SPAG16: variants seen among roughly 807,000 people sequenced by gnomAD.
The protein encoded by SPAG16 is sperm-associated antigen 16 protein.
SPAG16 carries 86 observed loss-of-function variants against 80.4 expected under a neutral mutation model. That is an observed-to-expected ratio of 1.07 (90% CI 0.90 to 1.28). The LOEUF (loss-of-function observed/expected upper bound fraction) is 1.28, where lower values mean the gene tolerates loss of function less well. Among genes scored for constraint, SPAG16 ranks in the 50% most tolerant of loss-of-function variants. The pLI, the probability that SPAG16 is intolerant of heterozygous loss-of-function variation, is 0.00. For synonymous variants in SPAG16, 294 were observed against 265.9 expected, an observed-to-expected ratio of 1.11 and a Z score of -1.03; for missense variants, 870 against 765.3, an observed-to-expected ratio of 1.14 and a Z score of -1.61.
chr2:213,327,559 A>G lies in SPAG16; in HGVS notation c.536+10203A>G, dbSNP rs374343730. Among the ~76,000 whole-genome samples, 95 of 152,252 alleles carry G rather than the reference A, an allele frequency of 6.2e-4. 1 individual carries two copies. The East Asian group carries it at 0.018, about 29-fold the overall frequency. On this transcript the variant is annotated intron_variant, in intron 5 of 15. Transcript: ENST00000331683. Reference sequence around the variant, plus strand: ...TATGGTTCTGCTTAAGAAATTTTGCAGCGTTATTTCTTAAAGTATTTTTAA... The same window carrying G: ...TATGGTTCTGCTTAAGAAATTTTGCGGCGTTATTTCTTAAAGTATTTTTAA...
intron 12 of SPAG16, 84 bp from the exon 13 acceptor site, chr2:214,013,867 C>A: frequency 1.5e-6 from 2 of 1,353,456 alleles, no homozygotes; most frequent in Non-Finnish European, 2.0e-6. Context: ...TATTTCATGC[C>A]TCAGTTCCTT....
intron 10 of SPAG16, among the ~76,000 whole-genome samples, chr2:213,557,433 CTAAT>C (rs1559252412): frequency 6.6e-6 from 1 of 151,424 alleles, no homozygotes; most frequent in African/African-American, 2.4e-5. Flanking sequence ...ATAATTATAT[CTAAT>C]TATAATTATA....
At chr2:213,628,498 G>T (rs1262023945) in intron 10 of SPAG16, among the ~76,000 whole-genome samples, 1 of 152,154 alleles carries the variant, frequency 6.6e-6, no homozygotes, top group Non-Finnish European at 1.5e-5. Flanking sequence ...CCAAAGAACA[G>T]GTATGTGCCA....
chr2:213,898,121 A>T (rs1034395118), intron 11 of SPAG16, among the ~76,000 whole-genome samples: 1 of 152,180 alleles, frequency 6.6e-6, no homozygotes, highest in African/African-American at 2.4e-5. Context: ...ATTGATGAGA[A>T]TACTGAAAAA....
intron 13 of SPAG16, among the ~76,000 whole-genome samples, chr2:214,043,061 G>A (rs763258944): frequency 6.6e-6 from 1 of 151,890 alleles, no homozygotes; most frequent in Non-Finnish European, 1.5e-5. Context: ...GCAAAGTAGA[G>A]TGAGGACTCT....
At chr2:214,112,572 C>G (rs1576243671) in intron 14 of SPAG16, among the ~76,000 whole-genome samples, 1 of 148,968 alleles carries the variant, frequency 6.7e-6, no homozygotes, top group African/African-American at 2.5e-5. Flanking sequence ...GTAATGGCTT[C>G]TTTGTCTCTT....
At chr2:213,774,944 C>T (rs2069480355) in intron 10 of SPAG16, among the ~76,000 whole-genome samples, 1 of 152,150 alleles carries the variant, frequency 6.6e-6, no homozygotes, top group Admixed American at 6.5e-5. Flanking sequence ...CTACTCAGCT[C>T]CCATTCTTCA....
rs578067025 is a variant in SPAG16, at chr2:213,725,423, C to A, written c.1071-137062C>A. Among the ~76,000 whole-genome samples, 87 of 152,292 alleles carry A rather than the reference C, an allele frequency of 5.7e-4. No homozygotes were observed. The South Asian group carries it at 6.2e-3, about 11-fold the overall frequency. On this transcript the variant is annotated intron_variant, in intron 10 of 15. Coordinates refer to ENST00000331683, the MANE Select transcript of SPAG16 (RefSeq NM_024532.5). ...TAGTGATATAACCATATTCTAAATT[C>A]ATCATCATGGAATGCCCATCCATCC...
intron 12 of SPAG16, among the ~76,000 whole-genome samples, chr2:213,975,651 G>GA (rs1022213539): frequency 1.3e-5 from 2 of 150,808 alleles, no homozygotes; most frequent in African/African-American, 4.9e-5. Context: ...TAATACATTA[G>GA]AAAAAAAATG....
intron 15 of SPAG16, among the ~76,000 whole-genome samples, chr2:214,152,832 G>T (rs2056041878): frequency 6.6e-6 from 1 of 152,214 alleles, no homozygotes; most frequent in African/African-American, 2.4e-5. Context: ...GGCAGAGAGG[G>T]AGAGGAGACA....
At chr2:213,665,390 A>G (rs2063565743) in intron 10 of SPAG16, among the ~76,000 whole-genome samples, 2 of 151,906 alleles carry the variant, frequency 1.3e-5, no homozygotes, top group African/African-American at 2.4e-5. Flanking sequence ...ACACATACAC[A>G]CACAAACACA....
intron 10 of SPAG16, among the ~76,000 whole-genome samples, chr2:213,528,584 T>A (rs1248242224): frequency 2.0e-5 from 3 of 152,150 alleles, no homozygotes; most frequent in African/African-American, 2.4e-5. Context: ...AAGTGACTTG[T>A]TACTTCCCTA....
chr2:214,367,822 A>C (rs76086079), intron 15 of SPAG16, among the ~76,000 whole-genome samples: 1 of 152,100 alleles, frequency 6.6e-6, no homozygotes, highest in Non-Finnish European at 1.5e-5. Flanking sequence ...TTCCTTGAAG[A>C]AAATTCTGTT....
intron 10 of SPAG16, among the ~76,000 whole-genome samples, chr2:213,519,858 C>T (rs969552744): frequency 5.3e-5 from 8 of 152,014 alleles, no homozygotes; most frequent in African/African-American, 1.9e-4. Context: ...AAGTTCTAAT[C>T]CCCTGTACCT....
intron 13 of SPAG16, among the ~76,000 whole-genome samples, chr2:214,063,406 T>G (rs1477328084): frequency 2.0e-5 from 3 of 152,288 alleles, no homozygotes; most frequent in African/African-American, 7.2e-5. Flanking sequence ...TGGTGAAGGC[T>G]TCCCTGTCTG....
chr2:213,722,825 G>GA (rs199886950), intron 10 of SPAG16, among the ~76,000 whole-genome samples: 11 of 150,768 alleles, frequency 7.3e-5, no homozygotes, highest in East Asian at 3.9e-4. Flanking sequence ...GAGCTGTACA[G>GA]AAAAAAAAAT....
At position 213,949,937 on chromosome 2, in the gene SPAG16, G is replaced by A. The variant is rs147444708; in HGVS notation, c.1400+19792G>A. Among the ~76,000 whole-genome samples, 730 of 152,218 alleles carry A rather than the reference G, an allele frequency of 4.8e-3. 7 individuals carry two copies. Among genetic ancestry groups the A allele is most frequent in the African/African-American group, 0.017 (702 of 41,538 alleles). On this transcript the variant is annotated intron_variant, in intron 12 of 15. Coordinates refer to ENST00000331683, the MANE Select transcript of SPAG16 (RefSeq NM_024532.5). ...ACTTCAGTGAGTACAATTCTTACAC[G>A]TGTGAACAAAATGTAGCCTTTGTTC... is the stretch of plus-strand genomic sequence containing the variant.
intron 14 of SPAG16, among the ~76,000 whole-genome samples, chr2:214,136,027 G>A (rs2055034684): frequency 1.3e-5 from 2 of 152,138 alleles, no homozygotes; most frequent in South Asian, 4.1e-4. Context: ...AGAGGAAGGG[G>A]AGCTGACAGG....
chr2:213,733,499 ATTTT>A (rs60768952), intron 10 of SPAG16, among the ~76,000 whole-genome samples: 27 of 123,156 alleles, frequency 2.2e-4, no homozygotes, highest in Admixed American at 3.3e-4. Flanking sequence ...TTATGAAGGG[ATTTT>A]TTTTTTTTTT....
Sources: gnomAD v4.1 joint callset for allele counts (sites outside exome capture counted in the v4.1 genomes callset) on GRCh38, gnomAD v4.1.1 for gene constraint, MANE v1.5 for transcripts, NCBI Gene and HGNC (gene_info 2026-07-23, HGNC 2026-07-21) for gene names.